The following MADD variants were observed in gnomAD, a reference collection of about 807,000 sequenced individuals.
MADD encodes the protein MAP kinase-activating death domain protein.
A neutral mutation model predicts 176.7 loss-of-function variants in MADD; 109 were observed. The ratio of observed to expected loss-of-function variants is 0.62; its 90% CI spans 0.53 to 0.72. The LOEUF is 0.72. MADD is among the 30% of genes least tolerant of loss of function. The pLI, the probability that MADD is intolerant of heterozygous loss-of-function variation, is 0.00. For missense variants in MADD, 1,914 were observed against 2,045.5 expected (o/e 0.94, Z 1.24); for synonymous variants, 771 against 771.3 (o/e 1.00, Z 0.01).
At chr11:47,312,704 G>C (rs1422534724) in intron 26 of MADD, among the ~76,000 whole-genome samples, 1 of 151,970 alleles carries the variant, frequency 6.6e-6, no homozygotes, top group Non-Finnish European at 1.5e-5. Flanking sequence ...CAAAGTTCTG[G>C]GATTACGGGT....
At chr11:47,327,808 C>G (rs956157518) in intron 31 of MADD, 2 of 985,286 alleles carry the variant, frequency 2.0e-6, no homozygotes, top group African/African-American at 3.5e-5. Context: ...CTTTTCTGGC[C>G]CCCAGGGAGA....
chr11:47,294,393 G>A (rs2068531691), intron 20 of MADD, among the ~76,000 whole-genome samples: 1 of 151,248 alleles, frequency 6.6e-6, no homozygotes, highest in Admixed American at 6.6e-5. Flanking sequence ...GCCAGGTGCG[G>A]TGGTTCATGC....
chr11:47,320,756 C>T (rs886803395), intron 27 of MADD, among the ~76,000 whole-genome samples: 14 of 151,858 alleles, frequency 9.2e-5, no homozygotes, highest in Admixed American at 5.2e-4. Context: ...ACCCCGTCTC[C>T]ACAAAAAATT....
chr11:47,295,956 T>C, exon 22 of MADD: 1 of 1,614,060 alleles, frequency 6.2e-7, no homozygotes, highest in Non-Finnish European at 8.5e-7. Flanking sequence ...GCAATGCAGG[T>C]GATGGACCAG....
chr11:47,274,468 A>G (rs2047988118), intron 2 of MADD, 95 bp from the exon 3 acceptor site: 2 of 1,060,276 alleles, frequency 1.9e-6, no homozygotes, highest in Admixed American at 2.1e-5. Context: ...ACTTTATCCA[A>G]AATAGCATCT....
chr11:47,284,835 C>G, intron 12 of MADD, 106 bp from the exon 13 acceptor site: 1 of 1,486,032 alleles, frequency 6.7e-7, no homozygotes, highest in Non-Finnish European at 9.1e-7. Context: ...CCACACATTC[C>G]TTAGGCTAGA....
intron 31 of MADD, chr11:47,328,220 T>C: frequency 9.3e-7 from 1 of 1,073,256 alleles, no homozygotes. Flanking sequence ...ATTTTCAGGC[T>C]GGTGACGAGT....
At chr11:47,284,384 C>T (rs1310385260) in exon 12 of MADD, 2 of 1,614,134 alleles carry the variant, frequency 1.2e-6, no homozygotes, top group Admixed American at 1.7e-5. Context: ...GATGTGGACC[C>T]TCTGACACAT....
At chr11:47,289,576 T>A in intron 16 of MADD, 83 bp downstream of exon 17, 2 of 1,156,870 alleles carry the variant, frequency 1.7e-6, no homozygotes, top group Non-Finnish European at 2.6e-6. Flanking sequence ...TGCTCAAGAG[T>A]GGGAGAGAAG....
At chr11:47,314,415 G>A (rs2091897089) in intron 26 of MADD, among the ~76,000 whole-genome samples, 1 of 152,098 alleles carries the variant, frequency 6.6e-6, no homozygotes, top group African/African-American at 2.4e-5. Flanking sequence ...GTTCATTGAT[G>A]TGCTTTCAGA....
At chr11:47,308,038 A>G (rs1387178934) in intron 22 of MADD, among the ~76,000 whole-genome samples, 1 of 152,252 alleles carries the variant, frequency 6.6e-6, no homozygotes, top group Non-Finnish European at 1.5e-5. Context: ...TTTTAGGGTC[A>G]GTAAGAGTTG....
intron 22 of MADD, among the ~76,000 whole-genome samples, chr11:47,302,458 C>A (rs758695629): frequency 6.6e-6 from 1 of 152,168 alleles, no homozygotes; most frequent in Non-Finnish European, 1.5e-5. Context: ...GTGATCTGCC[C>A]GCTTCGGCCT....
intron 22 of MADD, 100 bp from the exon 25 acceptor site, chr11:47,308,491 G>T: frequency 5.4e-6 from 4 of 746,622 alleles, no homozygotes; most frequent in Non-Finnish European, 6.8e-6. Flanking sequence ...GTTGCTAATG[G>T]ATGGTGACTG....
chr11:47,322,625 A>AT lies in MADD; in HGVS notation c.4198-1045dup, dbSNP rs372049532. On this transcript the variant is annotated intron_variant, in intron 27 of 32. Transcript: ENST00000402192. ...AGATCCGTCTCAAAAAGAAGAACAG[A>AT]TAACTTCACCTGAAAGAGAATGTTG... 2.1e-3 allele frequency among the ~76,000 whole-genome samples: 327 copies of AT among 152,262 alleles called. 1 individual carries two copies. Among genetic ancestry groups the AT allele is most frequent in the African/African-American group, 7.0e-3 (292 of 41,560 alleles).
At chr11:47,273,952 A>T in exon 2 of MADD, 1 of 1,613,998 alleles carries the variant, frequency 6.2e-7, no homozygotes, top group Non-Finnish European at 8.5e-7. Context: ...CGGTTACTTG[A>T]CTATCTAGTG....
chr11:47,285,335 A>T, intron 13 of MADD, 116 bp from the exon 14 acceptor site: 9 of 1,554,160 alleles, frequency 5.8e-6, no homozygotes, highest in Non-Finnish European at 7.8e-6. Context: ...GTTCTGATCC[A>T]GGGGCTTAGG....
intron 15 of MADD, among the ~76,000 whole-genome samples, 163 bp from the exon 17 acceptor site, chr11:47,289,228 C>A (rs2063218674): frequency 6.6e-6 from 1 of 152,186 alleles, no homozygotes; most frequent in South Asian, 2.1e-4. Flanking sequence ...CCCACCTCCT[C>A]CACATTGCCA....
chr11:47,309,651 A>G (rs767094009), intron 25 of MADD, 39 bp downstream of exon 28: 2 of 1,497,008 alleles, frequency 1.3e-6, no homozygotes, highest in Non-Finnish European at 9.3e-7. Flanking sequence ...CGCTGATCCT[A>G]GAGGGGCAAG....
chr11:47,275,093 G>T, exon 3 of MADD: 1 of 1,614,210 alleles, frequency 6.2e-7, no homozygotes, highest in Non-Finnish European at 8.5e-7. Flanking sequence ...ACTCTCAAGC[G>T]CCTGGTGGAC....
Sources: allele counts gnomAD v4.1 joint callset (sites outside exome capture counted in the v4.1 genomes callset), GRCh38; gene constraint gnomAD v4.1.1; transcripts MANE v1.5; gene names NCBI Gene and HGNC (gene_info 2026-07-23, HGNC 2026-07-21).